OTC: variants seen among roughly 807,000 people sequenced by gnomAD.
The protein encoded by OTC is ornithine transcarbamylase.
Under a neutral mutation model 30.3 loss-of-function variants are expected in OTC, and 3 were observed. That is an observed-to-expected ratio of 0.10 (90% CI 0.05 to 0.26). The LOEUF (loss-of-function observed/expected upper bound fraction) is 0.26. OTC is among the 10% of genes least tolerant of loss of function. OTC has a pLI of 1.00. For missense variants in OTC, 194 were observed against 260.3 expected (o/e 0.75, Z 1.75); for synonymous variants, 111 against 99.7 (o/e 1.11, Z -0.67).
chrX:38,400,340 C>G lies in OTC; in HGVS notation c.387-935C>G, dbSNP rs140159654. On this transcript the variant is annotated intron_variant, in intron 4 of 9. Coordinates refer to ENST00000039007, the MANE Select transcript of OTC (RefSeq NM_000531.6). ...AATATAGTTTTTAATCTTTGATTCT[C>G]TAATCCCTGGGGCCAAGCAGTCCTT... is the stretch of plus-strand genomic sequence containing the variant. 3.6e-3 allele frequency among the ~76,000 whole-genome samples: 407 copies of G among 111,694 alleles called. 3 individuals carry two copies. Among genetic ancestry groups the G allele is most frequent in the African/African-American group, 0.013 (386 of 30,760 alleles).
chrX:38,409,900 A>G (rs2068534604), intron 8 of OTC, among the ~76,000 whole-genome samples: 1 of 111,616 alleles, frequency 9.0e-6, no homozygotes, highest in Non-Finnish European at 1.9e-5. Context: ...CCATCTCTTT[A>G]ACAGAGACTA....
chrX:38,330,210 C>T, the OTC span, among the ~76,000 whole-genome samples: 1 of 111,550 alleles, frequency 9.0e-6, no homozygotes, highest in African/African-American at 3.3e-5. Context: ...GGGCCATGAG[C>T]GGAGGAATGC....
intron 1 of OTC, among the ~76,000 whole-genome samples, chrX:38,356,758 G>A (rs2068243951): frequency 9.0e-6 from 1 of 111,181 alleles, no homozygotes; most frequent in Non-Finnish European, 1.9e-5. Context: ...GTGGGGTTTC[G>A]CTGGGGGTCG....
chrX:38,379,237 A>G (rs1375043536), intron 3 of OTC, among the ~76,000 whole-genome samples: 1 of 111,772 alleles, frequency 8.9e-6, no homozygotes, highest in Non-Finnish European at 1.9e-5. Flanking sequence ...CAGTCCCACT[A>G]TGTCATTCTG....
chrX:38,337,642 C>T, the OTC span, among the ~76,000 whole-genome samples: 1 of 112,058 alleles, frequency 8.9e-6, no homozygotes, highest in African/African-American at 3.2e-5. Flanking sequence ...GGTATAGATG[C>T]TCGACCTACA....
At chrX:38,336,465 T>C in the OTC span, among the ~76,000 whole-genome samples, 38 of 107,032 alleles carry the variant, frequency 3.6e-4, no homozygotes, top group African/African-American at 1.3e-3. Context: ...TACATAGGTA[T>C]CTAGTATTTG....
At chrX:38,364,957 A>G (rs2068288432) in intron 1 of OTC, among the ~76,000 whole-genome samples, 1 of 112,408 alleles carries the variant, frequency 8.9e-6, no homozygotes, top group Non-Finnish European at 1.9e-5. Context: ...TGAACCAATC[A>G]ACTCTGCAAG....
intron 4 of OTC, among the ~76,000 whole-genome samples, chrX:38,392,748 ACTCGAAG>A (rs1031792504): frequency 6.3e-5 from 7 of 111,537 alleles, no homozygotes; most frequent in African/African-American, 2.3e-4. Context: ...ATTCCACCTT[ACTCGAAG>A]CTCCTGTGGC....
At chrX:38,366,543 C>T (rs191389659) in intron 1 of OTC, among the ~76,000 whole-genome samples, 3 of 111,834 alleles carry the variant, frequency 2.7e-5, no homozygotes, top group African/African-American at 9.7e-5. Context: ...ATAATAATAG[C>T]TAAAAGTTAT....
intron 4 of OTC, among the ~76,000 whole-genome samples, chrX:38,394,607 T>G (rs1176493837): frequency 1.8e-5 from 2 of 111,373 alleles, no homozygotes; most frequent in African/African-American, 6.5e-5. Context: ...GCAGACAGAT[T>G]TCTATTACTA....
the OTC span, among the ~76,000 whole-genome samples, chrX:38,342,267 C>T: frequency 1.1e-4 from 12 of 110,163 alleles, no homozygotes; most frequent in Non-Finnish European, 2.1e-4. Context: ...GTGATCCGCC[C>T]GCCTCAAAGT....
the OTC span, among the ~76,000 whole-genome samples, chrX:38,343,627 A>C: frequency 2.7e-5 from 3 of 112,280 alleles, no homozygotes. Flanking sequence ...AATAAAAAGA[A>C]CCAGGTATGG....
intron 1 of OTC, among the ~76,000 whole-genome samples, chrX:38,356,180 G>A (rs916314290): frequency 3.7e-5 from 4 of 106,801 alleles, no homozygotes; most frequent in African/African-American, 1.0e-4. Flanking sequence ...TTTATTTTTA[G>A]TAATTGAGTA....
intron 3 of OTC, among the ~76,000 whole-genome samples, chrX:38,374,835 C>T (rs778340704): frequency 8.9e-6 from 1 of 111,770 alleles, no homozygotes; most frequent in East Asian, 2.8e-4. Context: ...AATTTTTTGA[C>T]GAATGTGCGG....
chrX:38,362,034 A>T (rs1051177538), intron 1 of OTC, among the ~76,000 whole-genome samples: 1 of 111,950 alleles, frequency 8.9e-6, no homozygotes, highest in African/African-American at 3.2e-5. Context: ...GCCATGAAGG[A>T]CAAATACTAT....
At chrX:38,376,091 T>G (rs921776316) in intron 3 of OTC, among the ~76,000 whole-genome samples, 1 of 110,207 alleles carries the variant, frequency 9.1e-6, no homozygotes, top group Non-Finnish European at 1.9e-5. Context: ...AAATGGCCAC[T>G]AGATGGAGTA....
the OTC span, among the ~76,000 whole-genome samples, chrX:38,331,075 C>A: frequency 9.0e-6 from 1 of 111,676 alleles, no homozygotes; most frequent in African/African-American, 3.3e-5. Flanking sequence ...CAATAAATAT[C>A]TGTTGAATGG....
intron 3 of OTC, among the ~76,000 whole-genome samples, chrX:38,379,416 G>A (rs1602019847): frequency 9.0e-6 from 1 of 111,360 alleles, no homozygotes; most frequent in African/African-American, 3.3e-5. Context: ...CAGACTAAGG[G>A]ATTCAATGAA....
At chrX:38,343,116 G>T in the OTC span, among the ~76,000 whole-genome samples, 1 of 111,924 alleles carries the variant, frequency 8.9e-6, no homozygotes, top group African/African-American at 3.2e-5. Context: ...CATGTTTCCT[G>T]GGCTCAAGGG....
Sources: gnomAD v4.1 joint callset for allele counts (sites outside exome capture counted in the v4.1 genomes callset) on GRCh38, gnomAD v4.1.1 for gene constraint, MANE v1.5 for transcripts, NCBI Gene and HGNC (gene_info 2026-07-23, HGNC 2026-07-21) for gene names.